Variants in FARP2 observed in about 807,000 individuals in gnomAD.
FARP2 encodes FERM, ARH/RhoGEF and pleckstrin domain protein 2.
FARP2 carries 111 observed loss-of-function variants against 130.5 expected under a neutral mutation model. That is an observed-to-expected ratio of 0.85 (90% CI 0.73 to 1.00). The LOEUF (loss-of-function observed/expected upper bound fraction) is 1.00, where lower values mean the gene tolerates loss of function less well. FARP2 is among the 50% of genes least tolerant of loss of function. The pLI is 0.00. For synonymous variants in FARP2, 504 were observed against 516.9 expected (o/e 0.98, Z 0.34); for missense variants, 1,385 against 1,346.3 (o/e 1.03, Z -0.45).
chr2:241,403,943 A>T lies in FARP2; in HGVS notation c.288+11A>T. 4 of 1,528,502 alleles carry T rather than the reference A, an allele frequency of 2.6e-6. No homozygotes were observed. Among genetic ancestry groups the T allele is most frequent in the Non-Finnish European group, 3.6e-6 (4 of 1,101,838 alleles). 94.7% of individuals were successfully genotyped at this position (1,528,502 alleles called of 1,614,324 possible). On this transcript the variant is annotated intron_variant, in intron 3 of 26. Transcript: ENST00000264042. ...ACTCAGTCCTACTGGGTAAGTGCTT[A>T]TGACGTGCCCAGGCGTGGAGCCTTT...
intron 2 of FARP2, among the ~76,000 whole-genome samples, chr2:241,388,884 A>G (rs1559722869): frequency 2.6e-5 from 4 of 152,144 alleles, no homozygotes; most frequent in Admixed American, 2.0e-4. Context: ...AAAGTTTTGT[A>G]TTGAAGCCTT....
chr2:241,470,374 A>G (rs897754928), intron 18 of FARP2, among the ~76,000 whole-genome samples: 2 of 150,628 alleles, frequency 1.3e-5, no homozygotes, highest in Non-Finnish European at 3.0e-5. Context: ...GAGGGGACTC[A>G]GTTACGAGGG....
At chr2:241,456,723 A>G (rs1170185886) in intron 13 of FARP2, 24 bp from the exon 14 acceptor site, 1 of 1,613,308 alleles carries the variant, frequency 6.2e-7, no homozygotes, top group Non-Finnish European at 8.5e-7. Flanking sequence ...TTCTCGCTCC[A>G]TCCCCCTCCC....
chr2:241,444,955 GC>G (rs1335077278), intron 13 of FARP2: 4 of 151,990 alleles, frequency 2.6e-5, no homozygotes, highest in Admixed American at 1.3e-4. Flanking sequence ...TAGAGACAGG[GC>G]CTCACTCCTG....
In FARP2 at chr2:241,418,439, C is replaced by T. The variant is rs369880015; in HGVS notation, c.771+330C>T. 3.3e-5 allele frequency among the ~76,000 whole-genome samples: 5 copies of T among 152,254 alleles called. No individual in the cohort carries two copies. In the East Asian group the frequency reaches 5.8e-4, roughly 18 times the overall value. On this transcript the variant is annotated intron_variant, in intron 8 of 26. Transcript: ENST00000264042. ...GGACTTCGCATTCCCTCCTGGGATT[C>T]GGCCTACCCCCTTAGGATCCTAAAC...
intron 2 of FARP2, among the ~76,000 whole-genome samples, chr2:241,381,241 C>G (rs1320091789): frequency 6.6e-6 from 1 of 152,158 alleles, no homozygotes; most frequent in African/African-American, 2.4e-5. Context: ...CCACCGCCAG[C>G]CACTTTGTCC....
Position 241,452,942 on chromosome 2 carries a change from CA to C in FARP2, c.1412-3793del, listed in dbSNP as rs537402564. On this transcript the variant is annotated intron_variant, in intron 13 of 26. Coordinates refer to ENST00000264042, the MANE Select transcript of FARP2 (RefSeq NM_014808.4). Reference sequence around the variant, plus strand: ...GGCGACAGAGTGAGAGACTCGGTCTCAAAAAAAAAAAAGAAAAATGTTTAAC... The same window carrying C: ...GGCGACAGAGTGAGAGACTCGGTCTCAAAAAAAAAAAGAAAAATGTTTAAC... 9.3e-3 allele frequency among the ~76,000 whole-genome samples: 1,145 copies of C among 123,396 alleles called. 20 individuals are homozygous for C. The highest frequency in any genetic ancestry group is 0.055 in the South Asian group (219 of 3,962). The allele number at this position is 123,396 out of a possible 152,430, so 81.0% of individuals were successfully genotyped here.
chr2:241,375,163 G>A (rs1480772659), intron 2 of FARP2, among the ~76,000 whole-genome samples: 1 of 152,074 alleles, frequency 6.6e-6, no homozygotes, highest in Non-Finnish European at 1.5e-5. Flanking sequence ...ATGTTAGCCA[G>A]TATGGTCTCG....
At chr2:241,394,663 A>G (rs1017356204) in intron 2 of FARP2, among the ~76,000 whole-genome samples, 2 of 152,214 alleles carry the variant, frequency 1.3e-5, no homozygotes, top group African/African-American at 4.8e-5. Context: ...TTTGGCAAGA[A>G]TTCTTGAAAA....
chr2:241,449,197 C>T (rs897371157), intron 13 of FARP2, among the ~76,000 whole-genome samples: 4 of 152,088 alleles, frequency 2.6e-5, no homozygotes, highest in Admixed American at 1.3e-4. Flanking sequence ...CGGTGGCTCA[C>T]GCCTGTAATC....
intron 2 of FARP2, chr2:241,395,316 C>T (rs1408867463): frequency 6.6e-6 from 1 of 152,102 alleles, no homozygotes; most frequent in Non-Finnish European, 1.5e-5. Context: ...TACAATATAC[C>T]AAAAAGTTCA....
intron 5 of FARP2, among the ~76,000 whole-genome samples, chr2:241,409,327 AT>A (rs2062454612): frequency 6.6e-6 from 1 of 151,952 alleles, no homozygotes; most frequent in Non-Finnish European, 1.5e-5. Flanking sequence ...AGGTGGGGGG[AT>A]CAGTTGAGCT....
At chr2:241,395,432 GTCT>G (rs2062006954) in intron 2 of FARP2, 4 of 151,508 alleles carry the variant, frequency 2.6e-5, no homozygotes, top group African/African-American at 9.7e-5. Context: ...TTCTATTTTG[GTCT>G]TCTTTAGGTT....
intron 9 of FARP2, among the ~76,000 whole-genome samples, chr2:241,432,056 G>A (rs1462080254): frequency 6.6e-6 from 1 of 152,140 alleles, no homozygotes; most frequent in Non-Finnish European, 1.5e-5. Context: ...CTGACCTTAG[G>A]TGATCCACCC....
At chr2:241,371,610 A>G (rs2061426899) in intron 1 of FARP2, among the ~76,000 whole-genome samples, 1 of 152,204 alleles carries the variant, frequency 6.6e-6, no homozygotes, top group Non-Finnish European at 1.5e-5. Context: ...AAATTGAGTG[A>G]GATTAACTCT....
In FARP2 at chr2:241,459,844, G is replaced by A. The variant is rs1386452286; in HGVS notation, c.1588-2679G>A. Among the ~76,000 whole-genome samples, 5 of 143,716 alleles carry A rather than the reference G, an allele frequency of 3.5e-5. No individual in the cohort carries two copies. Among genetic ancestry groups the A allele is most frequent in the Non-Finnish European group, 7.6e-5 (5 of 65,542 alleles). The allele number at this position is 143,716 out of a possible 152,430, so 94.3% of individuals were successfully genotyped here. A position where few individuals can be genotyped will look rare whatever the true frequency, so the allele number is the denominator to read the frequency against. On this transcript the variant is annotated intron_variant, in intron 14 of 26. Coordinates refer to ENST00000264042, the MANE Select transcript of FARP2 (RefSeq NM_014808.4). The surrounding 1 kb of genome is among the most constrained non-coding windows in gnomAD (Gnocchi z 5.3). The stretch of plus-strand genomic sequence containing the variant: ...CGGGGCGGGGCGGGGGCAGGGGCGG[G>A]ACGGAAGACCCTTCTCTTGGCCAGT...
chr2:241,484,471 C>A, intron 21 of FARP2, 140 bp downstream of exon 21: 1 of 665,730 alleles, frequency 1.5e-6, no homozygotes, highest in Non-Finnish European at 2.7e-6. Context: ...CTGGGAGCAG[C>A]ACCTGCTGGG....
At chr2:241,464,516 A>AAGCAGGGTTTCCCCAG (rs1553730810) in intron 17 of FARP2, among the ~76,000 whole-genome samples, 2 of 150,038 alleles carry the variant, frequency 1.3e-5, no homozygotes. Context: ...TTCCTACTCA[A>AAGCAGGGTTTCCCCAG]AGCAGGGTTT....
intron 1 of FARP2, among the ~76,000 whole-genome samples, chr2:241,357,272 T>A (rs1185111244): frequency 6.6e-6 from 1 of 152,242 alleles, no homozygotes; most frequent in Non-Finnish European, 1.5e-5. Context: ...TCTGGGCCAC[T>A]GTGTAAATGT....
Sources: allele counts gnomAD v4.1 joint callset (sites outside exome capture counted in the v4.1 genomes callset), GRCh38; gene constraint gnomAD v4.1.1; non-coding constraint Gnocchi (gnomAD v3.1); transcripts MANE v1.5; gene names NCBI Gene and HGNC (gene_info 2026-07-23, HGNC 2026-07-21).